The following MYH14 variants were observed in gnomAD, a reference collection of about 807,000 sequenced individuals.
MYH14 encodes the protein myosin-14.
A neutral mutation model predicts 255.5 loss-of-function variants in MYH14; 123 were observed. The ratio of observed to expected loss-of-function variants is 0.48; its 90% CI spans 0.42 to 0.56. The LOEUF is 0.56. Ranked by LOEUF, MYH14 falls within the 20% of genes least tolerant of loss-of-function variation. The pLI is 0.00. For missense variants in MYH14, 2,423 were observed against 2,802.3 expected (o/e 0.86, Z 3.06); for synonymous variants, 1,095 against 1,161.2 (o/e 0.94, Z 1.16).
In MYH14 at chr19:50,268,204, A is replaced by G. The variant is rs1215396793; in HGVS notation, c.2870A>G (p.Glu957Gly). ...CGCCTGGCAGAGCAATTGCGAGCAG[A>G]GGCAGAACTGTGTGCAGAGGCCGAG... ...RARLAEQLRAEAELCAEAEET... is the reference protein window; with the variant it reads ...RARLAEQLRAGAELCAEAEET... The change falls in exon 24 of 43, where the codon GAG (glutamate) becomes GGG (glycine). Residue 957 changes from glutamate to glycine, a missense_variant. Glu to Gly is a moderately conservative substitution (Grantham distance 98). Coordinates refer to ENST00000642316, the MANE Select transcript of MYH14 (RefSeq NM_001145809.2). 6.4e-7 allele frequency: 1 copy of G among 1,555,980 alleles called. No individual in the cohort carries two copies. The highest frequency in any genetic ancestry group is 1.2e-5 in the South Asian group (1 of 84,292).
At position 50,310,441 on chromosome 19, in the gene MYH14, G is replaced by C. The variant is rs2036825907; in HGVS notation, c.*651G>C. On this transcript the variant is annotated 3_prime_UTR_variant, in exon 43 of 43. Coordinates refer to ENST00000642316, the MANE Select transcript of MYH14 (RefSeq NM_001145809.2). ...TGCCCATGCTCTGCCCTCCCTTCTG[G>C]TTGCTCTGAGGGTTCGGAGCTTCCC... The C allele has an allele frequency of 6.5e-6, 1 of 153,406 alleles. No individual in the cohort carries two copies. The highest frequency in any genetic ancestry group is 1.4e-5 in the Non-Finnish European group (1 of 69,004). The allele number at this position is 153,406 out of a possible 1,614,324, so 9.5% of individuals were successfully genotyped here. A position where few individuals can be genotyped will look rare whatever the true frequency, so the allele number is the denominator to read the frequency against.
intron 37 of MYH14, among the ~76,000 whole-genome samples, chr19:50,292,861 G>A (rs953448454): frequency 7.9e-5 from 12 of 151,894 alleles, no homozygotes; most frequent in Admixed American, 5.9e-4. Context: ...AGAGGACGGA[G>A]AAGGCAGTCA....
chr19:50,252,715 A>G lies in MYH14; in HGVS notation c.1907A>G (p.Gln636Arg), dbSNP rs1208894285. 1 of 1,600,504 alleles carries G rather than the reference A, an allele frequency of 6.2e-7. No homozygotes were observed. Residue 636 changes from glutamine (Q) to arginine (R), a missense_variant, in exon 16 of 43, where the codon CAG becomes CGG. Physicochemically the swap from Gln to Arg is conservative, Grantham distance 43. Transcript: ENST00000642316. This position sits in a 1 kb window ranked among gnomAD's most constrained non-coding sequence, Gnocchi z 4.2. ...GACAACGTCGCAGCCTTGCTCCACC[A>G]GAGCACAGACCGGCTGACGGCAGAG... ...LNDNVAALLH[Q>R]STDRLTAEIW...
rs1247968157 is a variant in MYH14 at position 50,268,314 on chromosome 19, G to A, written c.2980G>A (p.Glu994Lys). 1 of 1,588,500 alleles carries A rather than the reference G, an allele frequency of 6.3e-7. No homozygotes were observed. Among genetic ancestry groups the A allele is most frequent in the Non-Finnish European group, 8.6e-7 (1 of 1,168,802 alleles). The change falls in exon 24 of 43, where the codon GAG (glutamate) becomes AAG (lysine). Residue 994 changes from glutamate (E) to lysine (K), a missense_variant. Glu to Lys is a moderately conservative substitution (Grantham distance 56, BLOSUM62 1). Transcript: ENST00000642316. ...ELEARVGEEE[E>K]CSRQMQTEKK... ...GGAGGCTCGCGTGGGCGAGGAGGAGGAGTGCAGCCGTCAAATGCAAACCGA... is the reference window on the plus strand; with the variant it reads ...GGAGGCTCGCGTGGGCGAGGAGGAGAAGTGCAGCCGTCAAATGCAAACCGA...
At position 50,286,552 on chromosome 19, in the gene MYH14, G is replaced by A. The variant is rs752388019; in HGVS notation, c.4610G>A (p.Arg1537Gln). 78 of 1,612,504 alleles carry A rather than the reference G, an allele frequency of 4.8e-5. No individual in the cohort carries two copies. Among genetic ancestry groups the A allele is most frequent in the Non-Finnish European group, 5.9e-5 (70 of 1,179,492 alleles). Residue 1537 changes from arginine (R) to glutamine (Q), a missense_variant, in exon 34 of 43, where the codon CGG (arginine) becomes CAG (glutamine). This residue lies in a region of MYH14 where 1,513 missense variants were observed against 1,674.8 expected (regional missense o/e 0.90). Transcript: ENST00000642316. ...CGTGAGCGGGCCGAGGCAGAGGGCCGGGAGCGTGAGGCTCGGGCCCTGTCA... is the reference window on the plus strand; with the variant it reads ...CGTGAGCGGGCCGAGGCAGAGGGCCAGGAGCGTGAGGCTCGGGCCCTGTCA... The part of the protein sequence containing the change: ...EERERAEAEG[R>Q]EREARALSLT...
In MYH14 at chr19:50,247,007, C is replaced by T; in HGVS notation, c.1214C>T (p.Ala405Val). 1.2e-6 allele frequency: 2 copies of T among 1,609,744 alleles called. No homozygotes were observed. The highest frequency in any genetic ancestry group is 1.1e-5 in the South Asian group (1 of 90,162). ...DQATMPDNTA[A>V]QKLCRLLGLG... ...TCTTGGTGCCTCTCGCCCTCAGCTG[C>T]ACAGAAGCTCTGCCGCCTCTTGGGA... Residue 405 changes from alanine (A) to valine (V), a missense_variant, in exon 12 of 43, where the codon GCA (alanine) becomes GTA (valine). Coordinates refer to ENST00000642316, the MANE Select transcript of MYH14 (RefSeq NM_001145809.2).
At position 50,252,124 on chromosome 19, in the gene MYH14, G is replaced by GC. The variant is rs2034424520; in HGVS notation, c.1831-512dup. Among the ~76,000 whole-genome samples the GC allele has an allele frequency of 6.6e-6, 1 of 152,212 alleles. No individual in the cohort carries two copies. Among genetic ancestry groups the GC allele is most frequent in the South Asian group, 2.1e-4 (1 of 4,834 alleles). On this transcript the variant is annotated intron_variant, in intron 15 of 42. Transcript: ENST00000642316. This position sits in a 1 kb window ranked among gnomAD's most constrained non-coding sequence, Gnocchi z 4.2. ...TACTCCAGAACTCCCCCTGTACCCAGCCCTCTGCTAGGCCGTGAGTCAGAC... is the reference window on the plus strand; with the variant it reads ...TACTCCAGAACTCCCCCTGTACCCAGCCCCTCTGCTAGGCCGTGAGTCAGAC...
intron 1 of MYH14, among the ~76,000 whole-genome samples, chr19:50,207,558 C>T (rs1256885791): frequency 6.6e-6 from 1 of 152,030 alleles, no homozygotes; most frequent in Non-Finnish European, 1.5e-5. Context: ...TCTCTGGGTC[C>T]TCAGGCCCAC....
At chr19:50,256,031 G>A (rs1431369184) in intron 17 of MYH14, among the ~76,000 whole-genome samples, 10 of 151,656 alleles carry the variant, frequency 6.6e-5, no homozygotes, top group South Asian at 2.1e-4. Flanking sequence ...TAATCCCAGC[G>A]CTTTGGGAGG....
intron 23 of MYH14, among the ~76,000 whole-genome samples, chr19:50,267,495 T>C (rs1486460748): frequency 6.6e-6 from 1 of 151,984 alleles, no homozygotes; most frequent in Non-Finnish European, 1.5e-5. Context: ...CTACTAAAAA[T>C]GCAAAAATTA....
At chr19:50,267,385 A>G (rs1051523294) in intron 23 of MYH14, among the ~76,000 whole-genome samples, 1 of 152,080 alleles carries the variant, frequency 6.6e-6, no homozygotes, top group Non-Finnish European at 1.5e-5. Context: ...TATTTCAGCT[A>G]TCTTAAAATA....
chr19:50,268,397 C>T (rs2035174300), intron 24 of MYH14, 30 bp downstream of exon 24: 1 of 1,543,474 alleles, frequency 6.5e-7, no homozygotes. Flanking sequence ...CACCAGGCCA[C>T]CCTCCAGACC....
chr19:50,298,224 C>A (rs181497578), intron 39 of MYH14, among the ~76,000 whole-genome samples: 151 of 152,234 alleles, frequency 9.9e-4, no homozygotes, highest in South Asian at 4.6e-3. Context: ...GCATTCCTTC[C>A]CCCTCTGAAA....
intron 33 of MYH14, among the ~76,000 whole-genome samples, chr19:50,282,672 C>T (rs1225800784): frequency 1.3e-5 from 2 of 151,692 alleles, no homozygotes; most frequent in African/African-American, 2.4e-5. Context: ...CACTGCACTC[C>T]GGCCTGGGTG....
intron 40 of MYH14, among the ~76,000 whole-genome samples, chr19:50,303,462 G>A (rs2036559676): frequency 6.6e-6 from 1 of 152,130 alleles, no homozygotes; most frequent in Non-Finnish European, 1.5e-5. Flanking sequence ...CTTGGAACTG[G>A]TACTGTGTCA....
At chr19:50,247,726 T>C (rs2034187093) in intron 12 of MYH14, among the ~76,000 whole-genome samples, 1 of 151,548 alleles carries the variant, frequency 6.6e-6, no homozygotes, top group Non-Finnish European at 1.5e-5. Flanking sequence ...ACCGCAAGTG[T>C]AAAGGCCCTG....
intron 15 of MYH14, among the ~76,000 whole-genome samples, chr19:50,251,569 C>CAT (rs1319522599): frequency 7.4e-5 from 9 of 121,162 alleles, no homozygotes; most frequent in Middle Eastern, 4.6e-3. Flanking sequence ...CACACACACA[C>CAT]ATATATATAT....
intron 27 of MYH14, among the ~76,000 whole-genome samples, chr19:50,274,701 G>A (rs1041531601): frequency 6.6e-6 from 1 of 152,184 alleles, no homozygotes; most frequent in Non-Finnish European, 1.5e-5. Flanking sequence ...GTAGGAGGCA[G>A]GAGGGTCGCC....
In MYH14 at chr19:50,222,657, T is replaced by C. The variant is rs375874717; in HGVS notation, c.563-426T>C. On this transcript the variant is annotated intron_variant, in intron 3 of 42. Transcript: ENST00000642316. ...CCCTCCATGCCTGGCGCTCAGTAGG[T>C]GGTCAGCATGTGATTGTGGAATGGC... is the stretch of plus-strand genomic sequence containing the variant. 2.8e-4 allele frequency among the ~76,000 whole-genome samples: 43 copies of C among 152,008 alleles called. 1 individual carries two copies. The South Asian group carries it at 5.8e-3, about 21-fold the overall frequency.
Sources: gnomAD v4.1 joint callset for allele counts (sites outside exome capture counted in the v4.1 genomes callset) on GRCh38, gnomAD v4.1.1 for gene constraint, gnomAD v4.1.1 regional missense constraint, Gnocchi (gnomAD v3.1) non-coding constraint, MANE v1.5 for transcripts, NCBI Gene and HGNC (gene_info 2026-07-23, HGNC 2026-07-21) for gene names.